Variants in LRRC4C observed in about 807,000 individuals in gnomAD.
LRRC4C encodes leucine-rich repeat-containing protein 4C.
Under a neutral mutation model 33.6 loss-of-function variants are expected in LRRC4C, and 5 were observed. That is an observed-to-expected ratio of 0.15 (90% CI 0.08 to 0.31). The LOEUF is 0.31. Ranked by LOEUF, LRRC4C falls within the 10% of genes least tolerant of loss-of-function variation. LRRC4C has a pLI of 1.00. For synonymous variants in LRRC4C, 329 were observed against 302.0 expected (o/e 1.09, Z -0.93); for missense variants, 560 against 796.7 (o/e 0.70, Z 3.58).
chr11:40,951,007 T>C (rs1321429690), intron 1 of LRRC4C, among the ~76,000 whole-genome samples: 1 of 151,956 alleles, frequency 6.6e-6, no homozygotes, highest in Non-Finnish European at 1.5e-5. Flanking sequence ...CAGTACACGA[T>C]GCACCCAGAT....
intron 1 of LRRC4C, among the ~76,000 whole-genome samples, chr11:41,448,704 G>A (rs1955921564): frequency 6.6e-6 from 1 of 152,160 alleles, no homozygotes; most frequent in Non-Finnish European, 1.5e-5. Flanking sequence ...ATTTTTAAAT[G>A]ACTTAGAAGA....
intron 2 of LRRC4C, among the ~76,000 whole-genome samples, chr11:40,757,977 A>G (rs994363381): frequency 2.6e-5 from 4 of 152,048 alleles, no homozygotes; most frequent in Non-Finnish European, 5.9e-5. Flanking sequence ...AGGCTCTGAG[A>G]GTAGGATGCA....
At chr11:40,143,641 T>A (rs1447645005) in intron 5 of LRRC4C, among the ~76,000 whole-genome samples, 2 of 152,170 alleles carry the variant, frequency 1.3e-5, no homozygotes, top group Non-Finnish European at 2.9e-5. Flanking sequence ...CTTTACTTCC[T>A]TCAGGGCTCT....
chr11:40,672,020 AGTTGTTAGTT>A (rs1944148626), intron 2 of LRRC4C, among the ~76,000 whole-genome samples: 1 of 152,146 alleles, frequency 6.6e-6, no homozygotes, highest in Admixed American at 6.6e-5. Context: ...AGACTAGTCA[AGTTGTTAGTT>A]ACTCATCACT....
chr11:40,670,466 TTTTAATGCGGCTACATTGATGGTAC>T (rs1404344377), intron 2 of LRRC4C, among the ~76,000 whole-genome samples: 1 of 152,250 alleles, frequency 6.6e-6, no homozygotes, highest in Non-Finnish European at 1.5e-5. Flanking sequence ...GAATACCATT[TTTTAATGCGGCTACATTGATGGTAC>T]TTGTGCCTAA....
chr11:41,390,268 A>G (rs558364283), intron 1 of LRRC4C, among the ~76,000 whole-genome samples: 1 of 152,048 alleles, frequency 6.6e-6, no homozygotes, highest in Non-Finnish European at 1.5e-5. Context: ...AACACAGGGC[A>G]CTAAGAGGGA....
At chr11:40,197,267 C>G (rs1318466463) in intron 5 of LRRC4C, among the ~76,000 whole-genome samples, 2 of 152,086 alleles carry the variant, frequency 1.3e-5, no homozygotes, top group African/African-American at 2.4e-5. Context: ...AGATTAGCCT[C>G]CTTCATTTAC....
rs57359054 is a variant in LRRC4C at position 40,208,469 on chromosome 11, A to G, written c.-96+33050T>C. Among the ~76,000 whole-genome samples, 1,359 of 152,212 alleles carry G rather than the reference A, an allele frequency of 8.9e-3. 16 individuals carry two copies. Among genetic ancestry groups the G allele is most frequent in the African/African-American group, 0.031 (1,284 of 41,478 alleles). On this transcript the variant is annotated intron_variant, in intron 5 of 6. Transcript: ENST00000528697. ...TGATATAAATCATGAATACGTTTCC[A>G]TTGAAGTACTAATTTTTTTTAGTAT...
At chr11:41,261,466 G>T (rs1948979931) in intron 1 of LRRC4C, among the ~76,000 whole-genome samples, 1 of 152,088 alleles carries the variant, frequency 6.6e-6, no homozygotes, top group African/African-American at 2.4e-5. Context: ...GAGGGATTAA[G>T]TTGAATTAGA....
At chr11:40,624,312 C>T (rs1399913530) in intron 3 of LRRC4C, among the ~76,000 whole-genome samples, 1 of 152,102 alleles carries the variant, frequency 6.6e-6, no homozygotes, top group African/African-American at 2.4e-5. Flanking sequence ...TATGCTTAAA[C>T]TAGTCTTTAG....
intron 5 of LRRC4C, among the ~76,000 whole-genome samples, chr11:40,195,816 A>G (rs2135672931): frequency 6.6e-6 from 1 of 152,306 alleles, no homozygotes; most frequent in Admixed American, 6.5e-5. Context: ...AAATATATAC[A>G]TAATTTCTTA....
At chr11:41,429,572 A>G (rs1955163916) in intron 1 of LRRC4C, among the ~76,000 whole-genome samples, 1 of 152,130 alleles carries the variant, frequency 6.6e-6, no homozygotes, top group South Asian at 2.1e-4. Context: ...AAAATTTTGC[A>G]TTGTGGGAAC....
chr11:40,116,840 T>C (rs1285486949), intron 6 of LRRC4C, among the ~76,000 whole-genome samples: 4 of 152,212 alleles, frequency 2.6e-5, no homozygotes, highest in Non-Finnish European at 4.4e-5. Flanking sequence ...ACATAATTTG[T>C]GGTTCCCAGT....
At chr11:40,897,822 CAT>C (rs1956015654) in intron 2 of LRRC4C, among the ~76,000 whole-genome samples, 1 of 152,132 alleles carries the variant, frequency 6.6e-6, no homozygotes, top group Non-Finnish European at 1.5e-5. Context: ...CTCTGTAAAA[CAT>C]ACTGATTGAA....
intron 2 of LRRC4C, among the ~76,000 whole-genome samples, chr11:40,666,436 CA>C (rs977008130): frequency 6.6e-6 from 1 of 151,974 alleles, no homozygotes; most frequent in African/African-American, 2.4e-5. Flanking sequence ...GTTGTGTCTA[CA>C]AAATTATATT....
At chr11:41,444,109 T>C (rs927499806) in intron 1 of LRRC4C, among the ~76,000 whole-genome samples, 2 of 151,930 alleles carry the variant, frequency 1.3e-5, no homozygotes, top group Non-Finnish European at 2.9e-5. Flanking sequence ...GAAATATTTA[T>C]AAAAACAGAC....
At chr11:40,714,055 C>T (rs569520402) in intron 2 of LRRC4C, among the ~76,000 whole-genome samples, 6 of 152,144 alleles carry the variant, frequency 3.9e-5, no homozygotes, top group African/African-American at 7.2e-5. Context: ...ATGACAGCCA[C>T]GTAGCCCTTT....
chr11:40,927,682 A>T (rs972797787), intron 2 of LRRC4C, among the ~76,000 whole-genome samples: 3 of 151,834 alleles, frequency 2.0e-5, no homozygotes, highest in Non-Finnish European at 4.4e-5. Flanking sequence ...ATGTTATTAA[A>T]GCCTCTTCGG....
intron 3 of LRRC4C, among the ~76,000 whole-genome samples, chr11:40,562,043 T>C (rs1245546457): frequency 2.6e-5 from 4 of 152,192 alleles, no homozygotes; most frequent in Admixed American, 6.5e-5. Flanking sequence ...ACATAGGTGG[T>C]CTAGACAACA....
Sources: allele counts gnomAD v4.1 joint callset (sites outside exome capture counted in the v4.1 genomes callset), GRCh38; gene constraint gnomAD v4.1.1; transcripts MANE v1.5; gene names NCBI Gene and HGNC (gene_info 2026-07-23, HGNC 2026-07-21).